COL5A3: variants seen among roughly 807,000 people sequenced by gnomAD.
COL5A3 encodes collagen type V alpha 3 chain.
COL5A3 carries 172 observed loss-of-function variants against 250.0 expected under a neutral mutation model. That is an observed-to-expected ratio of 0.69 (90% CI 0.61 to 0.78). The LOEUF (loss-of-function observed/expected upper bound fraction) is 0.78. COL5A3 is among the 30% of genes least tolerant of loss of function. The probability of loss-of-function intolerance (pLI) is 0.00; values close to 1 mark genes in which losing one functional copy is unlikely to be tolerated. For missense variants in COL5A3, 2,340 were observed against 2,334.4 expected, an observed-to-expected ratio of 1.00 and a Z score of -0.05; for synonymous variants, 937 against 900.4, an observed-to-expected ratio of 1.04 and a Z score of -0.73.
At chr19:9,980,074 TCATCCCCC>T (rs1030758742) in intron 35 of COL5A3, 27 bp from the exon 36 acceptor site, 2 of 1,584,628 alleles carry the variant, frequency 1.3e-6, no homozygotes, top group Non-Finnish European at 1.7e-6. Flanking sequence ...AATCATGATC[TCATCCCCC>T]CTGCCTCCCT....
At chr19:9,999,470 T>TTTTTC (rs1555741154) in intron 8 of COL5A3, among the ~76,000 whole-genome samples, 1 of 42,850 alleles carries the variant, frequency 2.3e-5, no homozygotes, top group African/African-American at 1.9e-4. Flanking sequence ...TTCTTTTTTC[T>TTTTTC]TTTTTTTTTT....
Position 9,960,104 on chromosome 19 carries a change from G to A in COL5A3, c.*307C>T, listed in dbSNP as rs2086650099. The A allele has an allele frequency of 2.6e-6, 1 of 381,272 alleles. No homozygotes were observed. Among genetic ancestry groups the A allele is most frequent in the East Asian group, 5.2e-5 (1 of 19,110 alleles). The allele number at this position is 381,272 out of a possible 1,614,324, so 23.6% of individuals were successfully genotyped here. A position where few individuals can be genotyped will look rare whatever the true frequency, so the allele number is the denominator to read the frequency against. ...GGGGGCTTTTGTTCATCAGCTCTGA[G>A]TTAGAAGCTCATTGCATGGGGGTTC... On this transcript the variant is annotated 3_prime_UTR_variant, in exon 67 of 67. Transcript: ENST00000264828.
chr19:9,965,967 G>A (rs1326499031), intron 64 of COL5A3, among the ~76,000 whole-genome samples: 1 of 151,846 alleles, frequency 6.6e-6, no homozygotes, highest in Non-Finnish European at 1.5e-5. Context: ...CAGAGTAGCT[G>A]GGACTACAGG....
At chr19:9,962,310 G>T (rs937394466) in intron 65 of COL5A3, among the ~76,000 whole-genome samples, 1 of 152,022 alleles carries the variant, frequency 6.6e-6, no homozygotes, top group Non-Finnish European at 1.5e-5. Context: ...GTTTTACAAT[G>T]TTGGCCAGGC....
At chr19:9,979,707 A>G in intron 37 of COL5A3, 132 bp downstream of exon 37, 1 of 891,094 alleles carries the variant, frequency 1.1e-6, no homozygotes, top group South Asian at 1.7e-5. Flanking sequence ...AATTGCTTGA[A>G]CCTGGGAGGC....
chr19:9,984,992 A>G (rs2087078015), intron 31 of COL5A3, among the ~76,000 whole-genome samples: 1 of 124,752 alleles, frequency 8.0e-6, no homozygotes, highest in Non-Finnish European at 1.6e-5. Context: ...CTTTGTCACC[A>G]GGCTGGAGTT....
chr19:9,969,354 G>A lies in COL5A3; in HGVS notation c.4147C>T (p.Pro1383Ser), dbSNP rs1429255615. 4 of 1,599,252 alleles carry A rather than the reference G, an allele frequency of 2.5e-6. No homozygotes were observed. The highest frequency in any genetic ancestry group is 3.4e-6 in the Non-Finnish European group (4 of 1,174,542). Residue 1383 changes from proline to serine, a missense_variant, in exon 57 of 67, where the codon CCC becomes TCC. By Grantham distance (74) the Pro-to-Ser change is moderately conservative. This residue lies in a region of COL5A3 where 1,179 missense variants were observed against 1,162.6 expected (regional missense o/e 1.01). Transcript: ENST00000264828. The part of the protein sequence containing the change: ...GAPGQMGPPG[P>S]LGPSGLPGLK... ...AGGATGAACAAGTCTCTTACCAGGG[G>A]GCCAGGAGGGCCCATCTGTCCAGGG...
In COL5A3 at chr19:9,997,384, T is replaced by C. The variant is rs1449408768; in HGVS notation, c.1250A>G (p.Asp417Gly). 1.1e-5 allele frequency: 18 copies of C among 1,608,926 alleles called. No individual in the cohort carries two copies. Among genetic ancestry groups the C allele is most frequent in the African/African-American group, 2.7e-5 (2 of 74,554 alleles). ...GGAGTCTCTTACCGGTGGACCAGGG[T>C]CGCCAGGGAATCCTGGGGGGCCGGG... ...GPPGPPGFPG[D>G]PGPPGPAGLP... The change falls in exon 11 of 67, where the codon GAC becomes GGC. Residue 417 changes from aspartate to glycine, a missense_variant. By Grantham distance (94) the Asp-to-Gly change is moderately conservative. Coordinates refer to ENST00000264828, the MANE Select transcript of COL5A3 (RefSeq NM_015719.4).
Position 9,996,239 on chromosome 19 carries a change from A to G in COL5A3, c.1446T>C (p.Gly482=), listed in dbSNP as rs142564518. ...QTQLSMKGPP[G]PVGLTGRPGP... ...CTGGGCGCCCAGTGAGCCCCACTGG[A>G]CCAGGGGGGCCTTTCATAGAGAGCT... Residue 482 remains glycine (G), a synonymous_variant, in exon 14 of 67, where the codon GGT becomes GGC. Coordinates refer to ENST00000264828, the MANE Select transcript of COL5A3 (RefSeq NM_015719.4). 1.9e-6 allele frequency: 3 copies of G among 1,576,592 alleles called. No homozygotes were observed. The highest frequency in any genetic ancestry group is 1.4e-5 in the African/African-American group (1 of 73,098).
chr19:9,968,266 A>G lies in COL5A3; in HGVS notation c.4314+119T>C. ...TGCCAGTTCCCAGATACATCCCCCT[A>G]TTTTCCCCACACACACCCTCATTAA... On this transcript the variant is annotated intron_variant, in intron 59 of 66. Transcript: ENST00000264828. The surrounding 1 kb of genome is among the most constrained non-coding windows in gnomAD (Gnocchi z 4.1). 2 of 1,015,184 alleles carry G rather than the reference A, an allele frequency of 2.0e-6. No homozygotes were observed. Among genetic ancestry groups the G allele is most frequent in the Non-Finnish European group, 3.0e-6 (2 of 676,650 alleles). The allele number at this position is 1,015,184 out of a possible 1,614,324, so 62.9% of individuals were successfully genotyped here.
At chr19:9,983,645 A>G (rs558969560) in intron 31 of COL5A3, among the ~76,000 whole-genome samples, 4 of 150,178 alleles carry the variant, frequency 2.7e-5, no homozygotes, top group African/African-American at 2.4e-5. Flanking sequence ...GAGAGAGAGA[A>G]AGAAAGACAG....
At chr19:9,996,347 C>A (rs191965866) in intron 13 of COL5A3, 85 bp from the exon 14 acceptor site, 23,399 of 1,550,620 alleles carry the variant, frequency 0.015, 227 homozygotes, top group Non-Finnish European at 0.018. Context: ...AGAAAAATAA[C>A]CCCCTTCTCC....
intron 51 of COL5A3, 134 bp from the exon 52 acceptor site, chr19:9,971,392 C>T: frequency 1.5e-6 from 1 of 677,164 alleles, no homozygotes; most frequent in Non-Finnish European, 2.4e-6. Context: ...AAATCCCTGG[C>T]TTGGTAGAGC....
At chr19:9,979,339 G>C (rs762036631) in intron 38 of COL5A3, 25 bp downstream of exon 38, 2 of 1,613,882 alleles carry the variant, frequency 1.2e-6, no homozygotes, top group South Asian at 2.2e-5. Context: ...ACAAAACAAG[G>C]GAGGTTTATG....
Position 9,970,970 on chromosome 19 carries a change from C to T in COL5A3, c.3882+5G>A. On this transcript the variant is annotated splice_donor_5th_base_variant and intron_variant, in intron 53 of 66. Transcript: ENST00000264828. ...CAGCACCACACCCTCTGTTTTCCCA[C>T]TCACCGGTCCCCCAACATCACCAGG... The T allele has an allele frequency of 6.4e-7, 1 of 1,565,172 alleles. No individual in the cohort carries two copies. The highest frequency in any genetic ancestry group is 2.4e-5 in the East Asian group (1 of 42,184).
At chr19:9,965,445 C>T (rs1229381944) in intron 64 of COL5A3, among the ~76,000 whole-genome samples, 8 of 148,718 alleles carry the variant, frequency 5.4e-5, no homozygotes, top group African/African-American at 1.7e-4. Flanking sequence ...AGTGAGCCAC[C>T]GCGCCCGGCC....
chr19:9,986,091 G>C (rs2145107816), intron 30 of COL5A3, among the ~76,000 whole-genome samples, 196 bp from the exon 31 acceptor site: 1 of 152,304 alleles, frequency 6.6e-6, no homozygotes, highest in South Asian at 2.1e-4. Context: ...AGTTTTCCTT[G>C]TCTGTAAAAT....
chr19:9,977,757 A>T, intron 41 of COL5A3, 56 bp from the exon 42 acceptor site: 2 of 1,344,832 alleles, frequency 1.5e-6, no homozygotes, highest in Non-Finnish European at 2.0e-6. Flanking sequence ...TCCTTTATGG[A>T]GGGTTTTTAA....
At chr19:9,960,995 C>A (rs1006072896) in intron 65 of COL5A3, 105 bp from the exon 66 acceptor site, 35 of 1,399,580 alleles carry the variant, frequency 2.5e-5, no homozygotes, top group Non-Finnish European at 3.3e-5. Context: ...CCACCCCCCC[C>A]ATGTCACCAT....
Sources: allele counts gnomAD v4.1 joint callset (sites outside exome capture counted in the v4.1 genomes callset), GRCh38; gene constraint gnomAD v4.1.1; regional missense constraint gnomAD v4.1.1; non-coding constraint Gnocchi (gnomAD v3.1); transcripts MANE v1.5; gene names NCBI Gene and HGNC (gene_info 2026-07-23, HGNC 2026-07-21).